GNAT2: variants seen among roughly 807,000 people sequenced by gnomAD.
GNAT2 encodes G protein subunit alpha transducin 2.
GNAT2 carries 32 observed loss-of-function variants against 40.9 expected under a neutral mutation model. That is an observed-to-expected ratio of 0.78 (90% CI 0.59 to 1.05). The LOEUF (loss-of-function observed/expected upper bound fraction) is 1.05. Among genes scored for constraint, GNAT2 ranks in the 50% least tolerant of loss-of-function variants. The pLI, the probability that GNAT2 is intolerant of heterozygous loss-of-function variation, is 0.00. For synonymous variants in GNAT2, 141 were observed against 157.2 expected, an observed-to-expected ratio of 0.90 and a Z score of 0.77; for missense variants, 355 against 431.5, an observed-to-expected ratio of 0.82 and a Z score of 1.57.
At chr1:109,605,007 T>C (rs1649549739) in intron 7 of GNAT2, 1 of 152,252 alleles carries the variant, frequency 6.6e-6, no homozygotes, top group Non-Finnish European at 1.5e-5. Flanking sequence ...AGTGAATAGC[T>C]CTGTAAGACA....
chr1:109,616,567 G>C (rs892050980), intron 1 of GNAT2: 1 of 152,174 alleles, frequency 6.6e-6, no homozygotes, highest in African/African-American at 2.4e-5. Context: ...AGAGGTGGGG[G>C]AAATTCACAG....
chr1:109,608,864 T>C, intron 4 of GNAT2, 76 bp from the exon 5 acceptor site: 4 of 1,116,954 alleles, frequency 3.6e-6, no homozygotes, highest in Middle Eastern at 2.0e-4. Context: ...TACTGCTGAA[T>C]GGAAATCATT....
chr1:109,606,870 A>G, intron 5 of GNAT2: 3 of 203,104 alleles, frequency 1.5e-5, no homozygotes, highest in African/African-American at 2.3e-5. Context: ...TAACTGGGGA[A>G]ATTTGAACAC....
At chr1:109,611,955 C>T (rs1210951875) in intron 2 of GNAT2, 2 of 152,534 alleles carry the variant, frequency 1.3e-5, no homozygotes, top group African/African-American at 4.8e-5. Context: ...TCTTCTGCTA[C>T]GTAGACCCTA....
chr1:109,609,943 C>T, intron 4 of GNAT2, 97 bp downstream of exon 4: 1 of 1,232,600 alleles, frequency 8.1e-7, no homozygotes, highest in Non-Finnish European at 1.2e-6. Flanking sequence ...TACTATTTTT[C>T]TTACCCATCT....
chr1:109,616,870 T>G (rs575740598), intron 1 of GNAT2: 1 of 152,326 alleles, frequency 6.6e-6, no homozygotes, highest in South Asian at 2.1e-4. Context: ...GGGACTTTGA[T>G]GTGACTGGAC....
At chr1:109,608,546 T>A in intron 5 of GNAT2, 85 bp downstream of exon 5, 1 of 1,336,826 alleles carries the variant, frequency 7.5e-7, no homozygotes, top group Non-Finnish European at 1.1e-6. Flanking sequence ...AAATTTTGGG[T>A]TGGGTGAGGT....
chr1:109,612,491 CAT>C, intron 2 of GNAT2: 1 of 468,642 alleles, frequency 2.1e-6, no homozygotes, highest in Admixed American at 3.3e-5. Context: ...TGGGTGGGTT[CAT>C]GGTGGCCCTT....
chr1:109,618,152 C>T (rs1483067101), intron 1 of GNAT2: 3 of 152,076 alleles, frequency 2.0e-5, no homozygotes, highest in Admixed American at 6.6e-5. Flanking sequence ...ATAAATATAA[C>T]CCATAATTCC....
In GNAT2 at chr1:109,608,612, T is replaced by G; in HGVS notation, c.461+19A>C. 1 of 1,611,024 alleles carries G rather than the reference T, an allele frequency of 6.2e-7. No individual in the cohort carries two copies. Among genetic ancestry groups the G allele is most frequent in the South Asian group, 1.1e-5 (1 of 91,032 alleles). Reference sequence around the variant, plus strand: ...AGATTGCTTAAGCATCAACCCACCCTCTCACCAGTCAGTCTTACTAAGATG... The same window carrying G: ...AGATTGCTTAAGCATCAACCCACCCGCTCACCAGTCAGTCTTACTAAGATG... On this transcript the variant is annotated intron_variant, in intron 5 of 8. Coordinates refer to ENST00000679935, the MANE Select transcript of GNAT2 (RefSeq NM_001377295.2).
In GNAT2 at chr1:109,608,720, C is replaced by T; in HGVS notation, c.372G>A (p.Val124=). The change falls in exon 5 of 9, where the codon GTG becomes GTA. Residue 124 remains valine (V), a synonymous_variant. Coordinates refer to ENST00000679935, the MANE Select transcript of GNAT2 (RefSeq NM_001377295.2). Reference sequence around the variant, plus strand: ...CCTTCCACAACCTCCTAATGACCTCCACGAGCTCAGGAGGCATGGTTCCCT... The same window carrying T: ...CCTTCCACAACCTCCTAATGACCTCTACGAGCTCAGGAGGCATGGTTCCCT... ...IEEGTMPPEL[V]EVIRRLWKDG... The T allele has an allele frequency of 1.2e-6, 2 of 1,613,670 alleles. No homozygotes were observed. The highest frequency in any genetic ancestry group is 2.2e-5 in the East Asian group (1 of 44,880).
chr1:109,615,087 T>C (rs1479561648), intron 1 of GNAT2: 1 of 152,204 alleles, frequency 6.6e-6, no homozygotes, highest in Non-Finnish European at 1.5e-5. Context: ...AATTATTATG[T>C]TATAGTTATT....
chr1:109,615,162 T>C (rs1375464695), intron 1 of GNAT2: 16 of 152,388 alleles, frequency 1.0e-4, no homozygotes, highest in Admixed American at 9.8e-4. Context: ...TAACTGCTAT[T>C]GTCCCCAATT....
intron 4 of GNAT2, 103 bp downstream of exon 4, chr1:109,609,937 A>G (rs575953254): frequency 3.4e-6 from 4 of 1,186,624 alleles, no homozygotes; most frequent in Admixed American, 1.7e-5. Context: ...TTTAGTTACT[A>G]TTTTTCTTAC....
intron 2 of GNAT2, 39 bp downstream of exon 2, chr1:109,612,714 A>G: frequency 8.2e-7 from 1 of 1,222,834 alleles, no homozygotes; most frequent in Non-Finnish European, 1.2e-6. Context: ...AGTAGGAAGG[A>G]CCCCTGCCTT....
intron 8 of GNAT2, 192 bp from the exon 9 acceptor site, chr1:109,603,736 G>A: frequency 1.5e-6 from 1 of 661,830 alleles, no homozygotes; most frequent in Non-Finnish European, 2.7e-6. Flanking sequence ...GAGGAGAGGT[G>A]TCTTTCCACC....
chr1:109,606,419 T>A lies in GNAT2; in HGVS notation c.479A>T (p.Glu160Val). ...GAGGTACTCAGGGTCTGTAATTCGT[T>A]CTAATTGGTTCAGGTAGCTAGAGAA... is the stretch of plus-strand genomic sequence containing the variant. ...DSASYYLNQL[E>V]RITDPEYLPS... Residue 160 changes from glutamate to valine, a missense_variant, in exon 6 of 9, where the codon GAA (glutamate) becomes GTA (valine). Physicochemically the swap from Glu to Val is moderately radical, Grantham distance 121. Transcript: ENST00000679935. 1 of 1,613,418 alleles carries A rather than the reference T, an allele frequency of 6.2e-7. No individual in the cohort carries two copies. Among genetic ancestry groups the A allele is most frequent in the Non-Finnish European group, 8.5e-7 (1 of 1,179,362 alleles).
At chr1:109,619,386 A>G (rs911491009) in intron 1 of GNAT2, 97 bp downstream of exon 1, 3 of 152,252 alleles carry the variant, frequency 2.0e-5, no homozygotes, top group Admixed American at 6.5e-5. Flanking sequence ...TGAAATCTGG[A>G]TTTGAACCCA....
At chr1:109,608,988 C>T (rs1325659683) in intron 4 of GNAT2, 200 bp from the exon 5 acceptor site, 13 of 638,166 alleles carry the variant, frequency 2.0e-5, no homozygotes, top group South Asian at 1.2e-4. Flanking sequence ...TGGCACTATA[C>T]CCAGCCCTGG....
Sources: allele counts gnomAD v4.1 joint callset, GRCh38; gene constraint gnomAD v4.1.1; transcripts MANE v1.5; gene names NCBI Gene and HGNC (gene_info 2026-07-23, HGNC 2026-07-21).